CDH12: variants seen among roughly 807,000 people sequenced by gnomAD.
CDH12 encodes the protein cadherin 12, also known as cadherin-12.
CDH12 carries 41 observed loss-of-function variants against 74.1 expected under a neutral mutation model. The observed-to-expected ratio is 0.55, with a 90% CI of 0.43 to 0.72. The LOEUF is 0.72. Among genes scored for constraint, CDH12 ranks in the 30% least tolerant of loss-of-function variants. The probability of loss-of-function intolerance (pLI) is 0.00; values close to 1 mark genes in which losing one functional copy is unlikely to be tolerated. For synonymous variants in CDH12, 399 were observed against 355.0 expected (o/e 1.12, Z -1.39); for missense variants, 945 against 977.2 (o/e 0.97, Z 0.44).
intron 1 of CDH12, among the ~76,000 whole-genome samples, chr5:22,613,921 C>A (rs1216234985): frequency 6.6e-6 from 1 of 151,994 alleles, no homozygotes; most frequent in East Asian, 1.9e-4. Context: ...TTATATTTTT[C>A]ATTTCAATTA....
rs145820623 is a variant in CDH12 at position 21,938,104 on chromosome 5, G to A, written c.526+36987C>T. Among the ~76,000 whole-genome samples, 44 of 152,236 alleles carry A rather than the reference G, an allele frequency of 2.9e-4. No individual in the cohort carries two copies. In the South Asian group the frequency reaches 7.5e-3, roughly 26 times the overall value. ...GGAAAAAAAGGATGGGAACTGGACC[G>A]TCAGGGCTTTTTCCAGTTTAACCTC... is the stretch of plus-strand genomic sequence containing the variant. On this transcript the variant is annotated intron_variant, in intron 6 of 14. Coordinates refer to ENST00000382254, the MANE Select transcript of CDH12 (RefSeq NM_004061.5).
At chr5:22,419,610 T>A (rs752518671) in intron 2 of CDH12, among the ~76,000 whole-genome samples, 1 of 152,204 alleles carries the variant, frequency 6.6e-6, no homozygotes, top group African/African-American at 2.4e-5. Flanking sequence ...GCAGTGAACA[T>A]ACATGTGCTT....
chr5:22,124,576 G>A lies in CDH12; in HGVS notation c.-186-45714C>T, dbSNP rs1745733248. Among the ~76,000 whole-genome samples the A allele has an allele frequency of 2.0e-5, 3 of 152,174 alleles. No individual in the cohort carries two copies. In the South Asian group the frequency reaches 6.2e-4, roughly 32 times the overall value. ...CACATAATCAGGAGCAAAAATGATG[G>A]CATGTGGTCTTTGGAAGCAGGTCCT... On this transcript the variant is annotated intron_variant, in intron 4 of 14. Transcript: ENST00000382254.
At chr5:22,494,417 G>C (rs1021685790) in intron 2 of CDH12, among the ~76,000 whole-genome samples, 1 of 152,166 alleles carries the variant, frequency 6.6e-6, no homozygotes, top group Non-Finnish European at 1.5e-5. Context: ...GGCAGGCTCC[G>C]GCTATCCACA....
intron 1 of CDH12, among the ~76,000 whole-genome samples, chr5:22,614,232 G>A (rs1429095572): frequency 5.3e-5 from 8 of 152,066 alleles, no homozygotes; most frequent in Non-Finnish European, 1.0e-4. Flanking sequence ...AAAACAATGA[G>A]GGCGAGATAT....
intron 5 of CDH12, among the ~76,000 whole-genome samples, chr5:22,014,692 TA>T (rs1737499239): frequency 6.6e-6 from 1 of 152,094 alleles, no homozygotes; most frequent in Admixed American, 6.6e-5. Flanking sequence ...CAAAATATGA[TA>T]AAATTTTACC....
chr5:22,726,903 G>A (rs886612436), intron 1 of CDH12, among the ~76,000 whole-genome samples: 12 of 151,626 alleles, frequency 7.9e-5, no homozygotes, highest in African/African-American at 2.7e-4. Context: ...CTTATATATT[G>A]TTTTACTTTA....
At chr5:22,284,536 G>A (rs956965945) in intron 3 of CDH12, among the ~76,000 whole-genome samples, 47 of 152,174 alleles carry the variant, frequency 3.1e-4, no homozygotes, top group Non-Finnish European at 6.3e-4. Flanking sequence ...TTCCTGCCAT[G>A]TGGGCTCTTA....
intron 1 of CDH12, among the ~76,000 whole-genome samples, chr5:22,681,809 A>G (rs1741507759): frequency 6.6e-6 from 1 of 152,098 alleles, no homozygotes; most frequent in Admixed American, 6.6e-5. Context: ...AGATAGAATT[A>G]GGAGATTGTT....
chr5:22,574,299 C>T (rs534288831), intron 1 of CDH12, among the ~76,000 whole-genome samples: 4 of 151,914 alleles, frequency 2.6e-5, no homozygotes, highest in South Asian at 2.1e-4. Context: ...AGGCTTGTCT[C>T]GAACTCCTGA....
chr5:21,819,495 G>A (rs528793623), intron 8 of CDH12, among the ~76,000 whole-genome samples: 1 of 152,086 alleles, frequency 6.6e-6, no homozygotes, highest in Admixed American at 6.6e-5. Context: ...GTGTGACTGT[G>A]ATGAAGTATC....
intron 3 of CDH12, among the ~76,000 whole-genome samples, chr5:22,390,136 G>A (rs889633140): frequency 6.6e-6 from 1 of 152,004 alleles, no homozygotes; most frequent in African/African-American, 2.4e-5. Context: ...CTGAAAAGAT[G>A]CTGGCCTAGA....
chr5:22,439,875 A>C (rs1237583594), intron 2 of CDH12, among the ~76,000 whole-genome samples: 1 of 152,068 alleles, frequency 6.6e-6, no homozygotes, highest in Non-Finnish European at 1.5e-5. Context: ...TTCAATGAAC[A>C]TTTGCTGATG....
At chr5:22,575,920 G>T (rs1739767024) in intron 1 of CDH12, among the ~76,000 whole-genome samples, 1 of 151,428 alleles carries the variant, frequency 6.6e-6, no homozygotes, top group East Asian at 1.9e-4. Context: ...TTTTATCAGT[G>T]CAGGGTTTCT....
chr5:22,822,810 T>C (rs1352229317), intron 1 of CDH12, among the ~76,000 whole-genome samples: 1 of 152,186 alleles, frequency 6.6e-6, no homozygotes, highest in Non-Finnish European at 1.5e-5. Context: ...TCAACCATTG[T>C]GGAAGTCAGT....
chr5:22,669,527 C>T (rs1740797940), intron 1 of CDH12, among the ~76,000 whole-genome samples: 1 of 152,156 alleles, frequency 6.6e-6, no homozygotes, highest in Non-Finnish European at 1.5e-5. Flanking sequence ...TTTCTTGCAA[C>T]TAAAGGTGGC....
At chr5:22,507,243 A>G (rs1278540099) in intron 1 of CDH12, among the ~76,000 whole-genome samples, 1 of 152,154 alleles carries the variant, frequency 6.6e-6, no homozygotes, top group Non-Finnish European at 1.5e-5. Flanking sequence ...AAGATCTAAT[A>G]TATTTTCTTC....
chr5:22,489,325 G>C (rs1025302566), intron 2 of CDH12, among the ~76,000 whole-genome samples: 2 of 151,588 alleles, frequency 1.3e-5, no homozygotes, highest in African/African-American at 4.8e-5. Context: ...CCAAAGTGCT[G>C]GGATTACAGG....
At chr5:22,680,581 C>T (rs915632242) in intron 1 of CDH12, among the ~76,000 whole-genome samples, 1 of 152,024 alleles carries the variant, frequency 6.6e-6, no homozygotes, top group South Asian at 2.1e-4. Context: ...AGTTGCTTAA[C>T]TCTGTTTCCT....
Sources: gnomAD v4.1 joint callset for allele counts (sites outside exome capture counted in the v4.1 genomes callset) on GRCh38, gnomAD v4.1.1 for gene constraint, MANE v1.5 for transcripts, NCBI Gene and HGNC (gene_info 2026-07-23, HGNC 2026-07-21) for gene names.